TTLL1: variants seen among roughly 807,000 people sequenced by gnomAD.
TTLL1 encodes the protein polyglutamylase complex subunit TTLL1.
In TTLL1, 33 loss-of-function variants were observed where a neutral mutation model predicts 47.8. The observed-to-expected ratio is 0.69, with a 90% confidence interval of 0.52 to 0.92. The LOEUF is 0.92. Ranked by LOEUF, TTLL1 falls within the 40% of genes least tolerant of loss-of-function variation. TTLL1 has a pLI of 0.00. For missense variants in TTLL1, 488 were observed against 547.5 expected, an observed-to-expected ratio of 0.89 and a Z score of 1.08; for synonymous variants, 225 against 214.1, an observed-to-expected ratio of 1.05 and a Z score of -0.45.
chr22:43,088,687 C>T (rs1929413719), intron 1 of TTLL1, among the ~76,000 whole-genome samples: 2 of 152,086 alleles, frequency 1.3e-5, no homozygotes, highest in Non-Finnish European at 2.9e-5. Flanking sequence ...CCATAATGTG[C>T]TCATCAAACG....
intron 1 of TTLL1, among the ~76,000 whole-genome samples, chr22:43,083,857 G>C (rs77707308): frequency 6.6e-6 from 1 of 151,884 alleles, no homozygotes; most frequent in Non-Finnish European, 1.5e-5. Context: ...CAAAATTCTT[G>C]ATTTAATTAA....
At chr22:43,063,267 C>T (rs1927503877) in intron 7 of TTLL1, among the ~76,000 whole-genome samples, 1 of 152,150 alleles carries the variant, frequency 6.6e-6, no homozygotes. Flanking sequence ...AGGGCTTGAG[C>T]CTGCTGCCTT....
chr22:43,074,975 C>T (rs528969106), intron 3 of TTLL1, among the ~76,000 whole-genome samples: 5 of 152,064 alleles, frequency 3.3e-5, no homozygotes, highest in African/African-American at 7.2e-5. Flanking sequence ...AAGACCAGCC[C>T]GGCCAACATG....
chr22:43,087,770 A>G (rs1352692707), intron 1 of TTLL1, among the ~76,000 whole-genome samples: 1 of 146,000 alleles, frequency 6.8e-6, no homozygotes, highest in Non-Finnish European at 1.5e-5. Flanking sequence ...CCCGGGAGGC[A>G]GAGGTTGCAG....
chr22:43,054,879 T>C (rs1006548180), intron 8 of TTLL1, among the ~76,000 whole-genome samples: 2 of 151,434 alleles, frequency 1.3e-5, no homozygotes, highest in African/African-American at 4.9e-5. Context: ...GCACTGCCAC[T>C]ACGCCTGGCT....
intron 3 of TTLL1, chr22:43,070,121 T>G: frequency 7.2e-7 from 1 of 1,382,514 alleles, no homozygotes; most frequent in Admixed American, 2.0e-5. Flanking sequence ...GTTTATTGAT[T>G]AGTGATAACA....
intron 1 of TTLL1, among the ~76,000 whole-genome samples, chr22:43,088,528 A>G (rs1929401127): frequency 1.3e-5 from 2 of 148,466 alleles, no homozygotes; most frequent in African/African-American, 5.0e-5. Context: ...TATTTTTAGT[A>G]TAGACGGGGT....
At chr22:43,064,840 G>A (rs554302988) in intron 5 of TTLL1, among the ~76,000 whole-genome samples, 2 of 151,622 alleles carry the variant, frequency 1.3e-5, no homozygotes, top group East Asian at 4.0e-4. Context: ...AAACTACTCC[G>A]TATGTTACTA....
chr22:43,048,492 A>G (rs961476852), intron 9 of TTLL1, among the ~76,000 whole-genome samples: 8 of 145,634 alleles, frequency 5.5e-5, no homozygotes, highest in African/African-American at 2.1e-4. Context: ...AAAAAAAATT[A>G]TCTGGGAAGA....
In TTLL1 at chr22:43,046,550, C is replaced by T. The variant is rs770351561; in HGVS notation, c.1002G>A (p.Thr334=). 30 of 1,614,060 alleles carry T rather than the reference C, an allele frequency of 1.9e-5. No homozygotes were observed. Among genetic ancestry groups the T allele is most frequent in the East Asian group, 1.1e-4 (5 of 44,880 alleles). Residue 334 remains threonine (T), a synonymous_variant, in exon 10 of 11, where the codon ACG becomes ACA. Transcript: ENST00000266254. ...LIEVNASPSL[T]SSTANDRILK... ...GGATTCGGTCATTGGCAGTGCTGGACGTGAGAGACGGGGACGCATTCACCT... is the reference window on the plus strand; with the variant it reads ...GGATTCGGTCATTGGCAGTGCTGGATGTGAGAGACGGGGACGCATTCACCT...
intron 3 of TTLL1, among the ~76,000 whole-genome samples, chr22:43,072,813 A>T (rs1034715047): frequency 6.6e-6 from 1 of 151,636 alleles, no homozygotes; most frequent in African/African-American, 2.4e-5. Context: ...GGGTCTCAGT[A>T]TACTGCCCAG....
intron 1 of TTLL1, among the ~76,000 whole-genome samples, chr22:43,082,392 T>C (rs1320317173): frequency 6.6e-6 from 1 of 152,068 alleles, no homozygotes; most frequent in Non-Finnish European, 1.5e-5. Context: ...TTTCTTTTTA[T>C]GTGAGAAAAT....
At chr22:43,088,155 A>G (rs953956714) in intron 1 of TTLL1, among the ~76,000 whole-genome samples, 5 of 151,888 alleles carry the variant, frequency 3.3e-5, no homozygotes, top group African/African-American at 1.2e-4. Context: ...AAATAAATAA[A>G]TAAATAAATA....
intron 9 of TTLL1, among the ~76,000 whole-genome samples, chr22:43,049,558 C>A (rs1292786231): frequency 7.3e-6 from 1 of 137,332 alleles, no homozygotes; most frequent in African/African-American, 2.8e-5. Flanking sequence ...AAAACACACA[C>A]AAAAAAACCC....
chr22:43,070,216 T>C lies in TTLL1; in HGVS notation c.114-372A>G, dbSNP rs143635612. On this transcript the variant is annotated intron_variant, in intron 3 of 10. Coordinates refer to ENST00000266254, the MANE Select transcript of TTLL1 (RefSeq NM_012263.5). The stretch of plus-strand genomic sequence containing the variant: ...AGGAAACTCATTTAAACAGGATCTG[T>C]ACCGAAATTCAGGAAGGTCAAGGAG... 430 of 1,328,108 alleles carry C rather than the reference T, an allele frequency of 3.2e-4. 1 individual carries two copies. Among genetic ancestry groups the C allele is most frequent in the Non-Finnish European group, 3.9e-4 (397 of 1,005,290 alleles). 82.3% of individuals were successfully genotyped at this position (1,328,108 alleles called of 1,614,324 possible).
chr22:43,061,853 C>T (rs1927405404), intron 7 of TTLL1, among the ~76,000 whole-genome samples: 1 of 152,220 alleles, frequency 6.6e-6, no homozygotes, highest in African/African-American at 2.4e-5. Flanking sequence ...ATTATCCCTA[C>T]TCATGCTTCA....
intron 6 of TTLL1, 107 bp downstream of exon 6, chr22:43,064,083 G>T: frequency 6.5e-7 from 1 of 1,533,694 alleles, no homozygotes; most frequent in South Asian, 1.2e-5. Context: ...CCCCGTGCCA[G>T]GCACCGCACA....
rs9680750 is a variant in TTLL1 at position 43,063,807 on chromosome 22, A to G, written c.747+6T>C. 112,141 of 1,612,406 alleles carry G rather than the reference A, an allele frequency of 0.07. 5,114 individuals carry two copies. Among genetic ancestry groups the G allele is most frequent in the African/African-American group, 0.21 (15,391 of 74,928 alleles). Reference sequence around the variant, plus strand: ...TCTGTAAGCACAAATGAAAGGACACACTCACCCCGTGTTTCTGGATGGCGA... The same window carrying G: ...TCTGTAAGCACAAATGAAAGGACACGCTCACCCCGTGTTTCTGGATGGCGA... On this transcript the variant is annotated splice_donor_region_variant and intron_variant, in intron 7 of 10. Coordinates refer to ENST00000266254, the MANE Select transcript of TTLL1 (RefSeq NM_012263.5).
At chr22:43,046,301 G>C in intron 10 of TTLL1, 109 bp downstream of exon 10, 2 of 1,235,746 alleles carry the variant, frequency 1.6e-6, no homozygotes, top group Non-Finnish European at 2.3e-6. Context: ...AAATGAAACA[G>C]TCTGCCCAAA....
Sources: gnomAD v4.1 joint callset for allele counts (sites outside exome capture counted in the v4.1 genomes callset) on GRCh38, gnomAD v4.1.1 for gene constraint, MANE v1.5 for transcripts, NCBI Gene and HGNC (gene_info 2026-07-23, HGNC 2026-07-21) for gene names.